The following PAPPA2 variants were observed in gnomAD, a reference collection of about 807,000 sequenced individuals.
PAPPA2 encodes pappalysin-2.
PAPPA2 carries 86 observed loss-of-function variants against 176.4 expected under a neutral mutation model. The ratio of observed to expected loss-of-function variants is 0.49; its 90% CI spans 0.41 to 0.58. The LOEUF (loss-of-function observed/expected upper bound fraction) is 0.58. Ranked by LOEUF, PAPPA2 falls within the 20% of genes least tolerant of loss-of-function variation. The probability of loss-of-function intolerance (pLI) is 0.00; values close to 1 mark genes in which losing one functional copy is unlikely to be tolerated. For synonymous variants in PAPPA2, 809 were observed against 852.2 expected (o/e 0.95, Z 0.88); for missense variants, 2,073 against 2,256.9 (o/e 0.92, Z 1.65).
At chr1:176,705,629 A>G (rs1197418544) in intron 9 of PAPPA2, among the ~76,000 whole-genome samples, 2 of 152,200 alleles carry the variant, frequency 1.3e-5, no homozygotes, top group African/African-American at 4.8e-5. Context: ...GAATTACTTT[A>G]TGTCCGTTTC....
chr1:176,585,682 T>C (rs2102635837), intron 2 of PAPPA2, among the ~76,000 whole-genome samples: 1 of 151,652 alleles, frequency 6.6e-6, no homozygotes, highest in Non-Finnish European at 1.5e-5. Flanking sequence ...TTCTTTAAAA[T>C]ATATTTTTTT....
rs776678786 is a variant in PAPPA2, at chr1:176,692,303, G to C, written c.2609G>C (p.Gly870Ala). Residue 870 changes from glycine to alanine, a missense_variant, in exon 6 of 23, where the codon GGA becomes GCA. Transcript: ENST00000367662. The part of the protein sequence containing the change: ...LTIHWLPPIS[G>A]VVYDRASGSL... ...ATCCACTGGCTGCCTCCTATTAGTG[G>C]AGTTGTATATGACAGGTGAGAGAGG... 147 of 1,613,032 alleles carry C rather than the reference G, an allele frequency of 9.1e-5. No homozygotes were observed. Among genetic ancestry groups the C allele is most frequent in the Non-Finnish European group, 1.1e-4 (129 of 1,179,340 alleles).
At chr1:176,611,570 TTGG>T (rs1451336297) in intron 3 of PAPPA2, among the ~76,000 whole-genome samples, 1 of 152,218 alleles carries the variant, frequency 6.6e-6, no homozygotes, top group Non-Finnish European at 1.5e-5. Context: ...TCATTGACCC[TTGG>T]TCAGCAAATT....
intron 11 of PAPPA2, among the ~76,000 whole-genome samples, 192 bp from the exon 12 acceptor site, chr1:176,711,643 T>A (rs1322626943): frequency 6.6e-6 from 1 of 152,196 alleles, no homozygotes; most frequent in Non-Finnish European, 1.5e-5. Context: ...TTTCTACCCT[T>A]GTAAGTTATA....
chr1:176,615,212 C>T (rs1160917772), intron 3 of PAPPA2, among the ~76,000 whole-genome samples: 1 of 152,212 alleles, frequency 6.6e-6, no homozygotes, highest in East Asian at 1.9e-4. Context: ...TGTTAAGCTG[C>T]ACCTCAGAGT....
At chr1:176,839,801 C>T (rs1164256666) in intron 21 of PAPPA2, among the ~76,000 whole-genome samples, 1 of 152,160 alleles carries the variant, frequency 6.6e-6, no homozygotes, top group Admixed American at 6.5e-5. Context: ...CCAATCCTGC[C>T]TACTGCACAG....
intron 3 of PAPPA2, among the ~76,000 whole-genome samples, chr1:176,623,730 T>TTCTC (rs1360322381): frequency 8.7e-6 from 1 of 114,508 alleles, no homozygotes; most frequent in Non-Finnish European, 1.8e-5. Flanking sequence ...TTCTTTCTCT[T>TTCTC]TCTTTCTTTC....
At chr1:176,739,585 A>C (rs1332637817) in intron 12 of PAPPA2, 41 bp from the exon 13 acceptor site, 14 of 1,585,068 alleles carry the variant, frequency 8.8e-6, no homozygotes, top group Non-Finnish European at 1.0e-5. Flanking sequence ...TTGATAGCTC[A>C]ATGGAAATAA....
At chr1:176,499,476 T>G (rs139902879) in intron 1 of PAPPA2, among the ~76,000 whole-genome samples, 1 of 152,168 alleles carries the variant, frequency 6.6e-6, no homozygotes, top group Non-Finnish European at 1.5e-5. Flanking sequence ...TTTTAGCTTA[T>G]CTTTGGGCCT....
In PAPPA2 at chr1:176,512,490, A is replaced by G. The variant is rs139955885; in HGVS notation, c.-916-42917A>G. Among the ~76,000 whole-genome samples the G allele has an allele frequency of 5.3e-5, 8 of 152,322 alleles. No homozygotes were observed. In the East Asian group the frequency reaches 1.5e-3, roughly 29 times the overall value. ...AAAAGAAGCTAGCCAAGTAAAAGAA[A>G]CTAGATACAAAAGAGTGCATACTGT... On this transcript the variant is annotated intron_variant, in intron 1 of 22. Coordinates refer to ENST00000367662, the MANE Select transcript of PAPPA2 (RefSeq NM_020318.3).
chr1:176,525,765 G>A (rs1470202805), intron 1 of PAPPA2, among the ~76,000 whole-genome samples: 1 of 152,178 alleles, frequency 6.6e-6, no homozygotes, highest in Non-Finnish European at 1.5e-5. Context: ...CTTTTGAGAG[G>A]GAAGTCTGGG....
At chr1:176,588,825 G>A (rs545341355) in intron 2 of PAPPA2, among the ~76,000 whole-genome samples, 81 of 152,302 alleles carry the variant, frequency 5.3e-4, no homozygotes, top group Non-Finnish European at 8.7e-4. Context: ...GCTGCCCTGG[G>A]GGTGTGTCCT....
intron 14 of PAPPA2, among the ~76,000 whole-genome samples, chr1:176,752,604 A>G (rs1410547562): frequency 6.6e-6 from 1 of 152,220 alleles, no homozygotes; most frequent in Non-Finnish European, 1.5e-5. Context: ...AATTTGTGAC[A>G]TGAATACTAA....
At chr1:176,583,381 T>G (rs985165312) in intron 2 of PAPPA2, among the ~76,000 whole-genome samples, 5 of 152,158 alleles carry the variant, frequency 3.3e-5, no homozygotes, top group Admixed American at 2.6e-4. Flanking sequence ...GTCTCAATAC[T>G]GCTTTGGCTG....
chr1:176,529,417 G>C (rs537031874), intron 1 of PAPPA2, among the ~76,000 whole-genome samples: 18 of 151,930 alleles, frequency 1.2e-4, no homozygotes, highest in African/African-American at 4.1e-4. Context: ...AAGGGAGGCA[G>C]ACAATTAGGG....
intron 2 of PAPPA2, among the ~76,000 whole-genome samples, chr1:176,570,672 G>C (rs2102612835): frequency 6.7e-6 from 1 of 150,302 alleles, no homozygotes; most frequent in African/African-American, 2.4e-5. Context: ...ACCTCCTTGT[G>C]CCCCCTCCTC....
intron 1 of PAPPA2, among the ~76,000 whole-genome samples, chr1:176,530,296 A>G (rs1179147300): frequency 6.6e-6 from 1 of 152,226 alleles, no homozygotes; most frequent in Non-Finnish European, 1.5e-5. Flanking sequence ...GTCAGGAGCT[A>G]TGAACTCTGT....
At chr1:176,661,331 T>C (rs529323977) in intron 3 of PAPPA2, among the ~76,000 whole-genome samples, 1 of 151,638 alleles carries the variant, frequency 6.6e-6, no homozygotes, top group African/African-American at 2.4e-5. Context: ...AGGGCTAGAG[T>C]AGTAGAATTG....
In PAPPA2 at chr1:176,798,340, C is replaced by A. The variant is rs544710056; in HGVS notation, c.5131-1721C>A. Among the ~76,000 whole-genome samples, 5 of 152,206 alleles carry A rather than the reference C, an allele frequency of 3.3e-5. No individual in the cohort carries two copies. The South Asian group carries it at 1.0e-3, about 32-fold the overall frequency. ...TGACTAGGTTTATGGATTTTCAGAT[C>A]CCCTTGCTCACTGGAAAATCTGACC... On this transcript the variant is annotated intron_variant, in intron 20 of 22. Coordinates refer to ENST00000367662, the MANE Select transcript of PAPPA2 (RefSeq NM_020318.3).
Sources: allele counts gnomAD v4.1 joint callset (sites outside exome capture counted in the v4.1 genomes callset), GRCh38; gene constraint gnomAD v4.1.1; transcripts MANE v1.5; gene names NCBI Gene and HGNC (gene_info 2026-07-23, HGNC 2026-07-21).